Variants in SCN9A observed in about 807,000 individuals in gnomAD.
SCN9A encodes the protein sodium channel protein type 9 subunit alpha.
In SCN9A, 131 loss-of-function variants were observed where a neutral mutation model predicts 187.0. The ratio of observed to expected loss-of-function variants is 0.70; its 90% CI spans 0.61 to 0.81. The LOEUF is 0.81. Ranked by LOEUF, SCN9A falls within the 30% of genes least tolerant of loss-of-function variation. The pLI is 0.00. For missense variants in SCN9A, 2,252 were observed against 2,396.6 expected (o/e 0.94, Z 1.26); for synonymous variants, 809 against 808.6 (o/e 1.00, Z -0.01).
rs1055160615 is a variant in SCN9A, at chr2:166,303,241, G to T, written c.750C>A (p.Ile250=). The T allele has an allele frequency of 6.2e-6, 10 of 1,613,510 alleles. No individual in the cohort carries two copies. The highest frequency in any genetic ancestry group is 1.7e-5 in the Admixed American group (1 of 59,960). The change falls in exon 7 of 27, where the codon ATC becomes ATA. Residue 250 remains isoleucine (I), a synonymous_variant. Coordinates refer to ENST00000642356, the MANE Select transcript of SCN9A (RefSeq NM_001365536.1). ...ACACACTCAGACAGAACACAGTCAGGATCATGACATCAGAAAGCTTCTTCA... is the reference window on the plus strand; with the variant it reads ...ACACACTCAGACAGAACACAGTCAGTATCATGACATCAGAAAGCTTCTTCA... The part of the protein sequence containing the change: ...QSVKKLSDVM[I]LTVFCLSVFA...
At chr2:166,326,469 C>T (rs1699366121) in intron 1 of SCN9A, among the ~76,000 whole-genome samples, 1 of 152,172 alleles carries the variant, frequency 6.6e-6, no homozygotes, top group Non-Finnish European at 1.5e-5. Flanking sequence ...CAGGGTTACA[C>T]TTATAAATTT....
chr2:166,373,398 A>C (rs1013655629), intron 1 of SCN9A, among the ~76,000 whole-genome samples: 2 of 150,496 alleles, frequency 1.3e-5, no homozygotes, highest in Non-Finnish European at 3.0e-5. Context: ...AATGAATTGC[A>C]GGGGAGAAAA....
chr2:166,290,466 G>C (rs879987884), intron 9 of SCN9A, among the ~76,000 whole-genome samples: 5 of 152,092 alleles, frequency 3.3e-5, no homozygotes, highest in African/African-American at 1.2e-4. Flanking sequence ...TGGTATTTCT[G>C]GTTCTAGGTC....
intron 16 of SCN9A, among the ~76,000 whole-genome samples, chr2:166,275,519 G>A (rs1013786098): frequency 4.0e-5 from 6 of 151,832 alleles, no homozygotes; most frequent in South Asian, 2.1e-4. Flanking sequence ...GGGAGGTGGA[G>A]GTTGGGGTGA....
At chr2:166,214,859 C>G (rs115382737) in intron 24 of SCN9A, among the ~76,000 whole-genome samples, 1 of 151,600 alleles carries the variant, frequency 6.6e-6, no homozygotes, top group African/African-American at 2.4e-5. Context: ...CCACCAAGAA[C>G]AGGAAGGTGG....
Position 166,198,640 on chromosome 2 carries a change from C to A in SCN9A, c.*32G>T. On this transcript the variant is annotated 3_prime_UTR_variant, in exon 27 of 27. Coordinates refer to ENST00000642356, the MANE Select transcript of SCN9A (RefSeq NM_001365536.1). ...TATTAACACAAATAAATCACTTTCA[C>A]AGGCTGTAAACAATATATCAAAAAT... is the stretch of plus-strand genomic sequence containing the variant. 1 of 1,446,436 alleles carries A rather than the reference C, an allele frequency of 6.9e-7. No individual in the cohort carries two copies. Among genetic ancestry groups the A allele is most frequent in the South Asian group, 1.3e-5 (1 of 76,698 alleles). The allele number at this position is 1,446,436 out of a possible 1,614,324, so 89.6% of individuals were successfully genotyped here.
rs199988048 is a variant in SCN9A, at chr2:166,195,507, T to G, written c.*3165A>C. ...TGGCCATCCTAATTTAGTTGGCCCT[T>G]CTTTCAGCACTTCTATTAACATTTC... is the stretch of plus-strand genomic sequence containing the variant. On this transcript the variant is annotated 3_prime_UTR_variant, in exon 27 of 27. Coordinates refer to ENST00000642356, the MANE Select transcript of SCN9A (RefSeq NM_001365536.1). 2 of 152,190 alleles carry G rather than the reference T, an allele frequency of 1.3e-5. No individual in the cohort carries two copies. Among genetic ancestry groups the G allele is most frequent in the African/African-American group, 4.8e-5 (2 of 41,464 alleles). The allele number at this position is 152,190 out of a possible 1,614,324, so 9.4% of individuals were successfully genotyped here. A position where few individuals can be genotyped will look rare whatever the true frequency, so the allele number is the denominator to read the frequency against.
In SCN9A at chr2:166,195,428, T is replaced by G. The variant is rs1693217639; in HGVS notation, c.*3244A>C. ...ATAATAACATAATAAACCACAGATA[T>G]TTTTAAAAAATTGGTGGCCTTCATA... On this transcript the variant is annotated 3_prime_UTR_variant, in exon 27 of 27. Transcript: ENST00000642356. 6.6e-6 allele frequency: 1 copy of G among 152,170 alleles called. No individual in the cohort carries two copies. Among genetic ancestry groups the G allele is most frequent in the Non-Finnish European group, 1.5e-5 (1 of 68,034 alleles). The allele number at this position is 152,170 out of a possible 1,614,324, so 9.4% of individuals were successfully genotyped here.
chr2:166,363,661 C>A (rs1330339792), intron 1 of SCN9A, among the ~76,000 whole-genome samples: 1 of 151,978 alleles, frequency 6.6e-6, no homozygotes, highest in Non-Finnish European at 1.5e-5. Flanking sequence ...TGGAAACTCT[C>A]TTAGAGTCTA....
rs1046237977 is a variant in SCN9A, at chr2:166,199,358, C to G, written c.5281G>C (p.Glu1761Gln). 3.1e-6 allele frequency: 5 copies of G among 1,614,156 alleles called. No homozygotes were observed. In the East Asian group the frequency reaches 6.7e-5, roughly 22 times the overall value. Reference sequence around the variant, plus strand: ...TCTTCAGTGGCAACACTAAAATTCTCCAGTATGACTGCAATGTACATGTTC... The same window carrying G: ...TCTTCAGTGGCAACACTAAAATTCTGCAGTATGACTGCAATGTACATGTTC... Reference protein sequence around the residue: ...VVNMYIAVILENFSVATEEST... With the variant: ...VVNMYIAVILQNFSVATEEST... Residue 1761 changes from glutamate to glutamine, a missense_variant, in exon 27 of 27, where the codon GAG (glutamate) becomes CAG (glutamine). Transcript: ENST00000642356.
chr2:166,288,323 A>T, intron 10 of SCN9A, 114 bp downstream of exon 10: 1 of 798,344 alleles, frequency 1.3e-6, no homozygotes. Flanking sequence ...GTTTATACAC[A>T]AAAATTCATT....
At chr2:166,239,185 T>TGCACTCCA in intron 19 of SCN9A, among the ~76,000 whole-genome samples, 1 of 137,464 alleles carries the variant, frequency 7.3e-6, no homozygotes, top group South Asian at 2.3e-4. Context: ...ATCACGCCAC[T>TGCACTCCA]GCACTCCAGC....
At chr2:166,266,818 C>T (rs1343908879) in intron 17 of SCN9A, among the ~76,000 whole-genome samples, 1 of 151,318 alleles carries the variant, frequency 6.6e-6, no homozygotes, top group Non-Finnish European at 1.5e-5. Context: ...TTTTTTGTAG[C>T]TATTGTAAAT....
At position 166,358,183 on chromosome 2, in the gene SCN9A, C is replaced by A. The variant is rs574279980; in HGVS notation, c.-51+17514G>T. 9.9e-5 allele frequency among the ~76,000 whole-genome samples: 15 copies of A among 151,984 alleles called. No homozygotes were observed. The South Asian group carries it at 2.9e-3, about 29-fold the overall frequency. On this transcript the variant is annotated intron_variant, in intron 1 of 26. Coordinates refer to ENST00000642356, the MANE Select transcript of SCN9A (RefSeq NM_001365536.1). ...CTCCTGGGTTCAAGCAGTTCTCCTG[C>A]CTCAGCCTCCTGAGTAGCTCGGATT... is the stretch of plus-strand genomic sequence containing the variant.
intron 1 of SCN9A, among the ~76,000 whole-genome samples, chr2:166,312,078 A>G (rs1185336410): frequency 6.6e-6 from 1 of 152,036 alleles, no homozygotes; most frequent in Admixed American, 6.6e-5. Flanking sequence ...AAATTTTCCT[A>G]AATTCCCCTT....
chr2:166,354,622 A>G (rs1266276284), intron 1 of SCN9A, among the ~76,000 whole-genome samples: 1 of 152,218 alleles, frequency 6.6e-6, no homozygotes, highest in South Asian at 2.1e-4. Context: ...CATCCAACAA[A>G]GCGATCAAGT....
rs75970260 is a variant in SCN9A at position 166,213,459 on chromosome 2, C to CAATAATAATAAT, written c.4399-9007_4399-8996dup. ...GAATAACTGAATAGACAAATTGAAC[C>CAATAATAATAAT]AATAATAATAATAATAATAATAATA... is the stretch of plus-strand genomic sequence containing the variant. On this transcript the variant is annotated intron_variant, in intron 24 of 26. Transcript: ENST00000642356. Among the ~76,000 whole-genome samples the CAATAATAATAAT allele has an allele frequency of 7.5e-3, 1,054 of 140,932 alleles. 9 individuals are homozygous for CAATAATAATAAT. The highest frequency in any genetic ancestry group is 0.016 in the East Asian group (75 of 4,810). 92.5% of individuals were successfully genotyped at this position (140,932 alleles called of 152,430 possible).
chr2:166,214,310 T>A (rs2106363926), intron 24 of SCN9A, among the ~76,000 whole-genome samples: 1 of 152,168 alleles, frequency 6.6e-6, no homozygotes, highest in Non-Finnish European at 1.5e-5. Flanking sequence ...TCAGACCATC[T>A]TCCAACTTCC....
Position 166,277,061 on chromosome 2 carries a change from C to G in SCN9A, c.2796G>C (p.Met932Ile), listed in dbSNP as rs2106468816. 3.1e-6 allele frequency: 5 copies of G among 1,614,092 alleles called. No homozygotes were observed. The highest frequency in any genetic ancestry group is 4.2e-6 in the Non-Finnish European group (5 of 1,179,994). Residue 932 changes from methionine (M) to isoleucine (I), a missense_variant, in exon 16 of 27, where the codon ATG (methionine) becomes ATC (isoleucine). Physicochemically the swap from Met to Ile is conservative, Grantham distance 10 (BLOSUM62 1). Around this residue, in one of 7 missense-constraint regions of SCN9A, gnomAD observed 119 missense variants for 188.7 expected, o/e 0.63. Coordinates refer to ENST00000642356, the MANE Select transcript of SCN9A (RefSeq NM_001365536.1). ...RVLCGEWIETMWDCMEVAGQA... is the reference protein window; with the variant it reads ...RVLCGEWIETIWDCMEVAGQA... ...GACCAGCGACCTCCATACAGTCCCA[C>G]ATGGTCTCTATCCACTCTCCACACA...
Sources: allele counts gnomAD v4.1 joint callset (sites outside exome capture counted in the v4.1 genomes callset), GRCh38; gene constraint gnomAD v4.1.1; regional missense constraint gnomAD v4.1.1; transcripts MANE v1.5; gene names NCBI Gene and HGNC (gene_info 2026-07-23, HGNC 2026-07-21).